Variants in ANAPC4 observed in about 807,000 individuals in gnomAD.
ANAPC4 encodes the protein anaphase promoting complex subunit 4.
In ANAPC4, 63 loss-of-function variants were observed where a neutral mutation model predicts 119.8. The ratio of observed to expected loss-of-function variants is 0.53; its 90% confidence interval spans 0.43 to 0.65. ANAPC4 has a LOEUF of 0.65. ANAPC4 is among the 30% of genes least tolerant of loss of function. ANAPC4 has a pLI of 0.00. For missense variants in ANAPC4, 716 were observed against 945.1 expected (o/e 0.76, Z 3.18); for synonymous variants, 283 against 318.6 (o/e 0.89, Z 1.19).
chr4:25,407,344 G>A (rs1268860750), intron 20 of ANAPC4, 91 bp downstream of exon 20: 7 of 931,004 alleles, frequency 7.5e-6, no homozygotes, highest in East Asian at 5.5e-5. Flanking sequence ...AAGTAATACA[G>A]GATCTCTGCC....
chr4:25,416,130 T>C, intron 26 of ANAPC4: 1 of 225,684 alleles, frequency 4.4e-6, no homozygotes, highest in South Asian at 1.6e-4. Context: ...TTCATAGAAT[T>C]TCCACAGGCT....
intron 21 of ANAPC4, among the ~76,000 whole-genome samples, chr4:25,412,379 T>C (rs1020442513): frequency 1.3e-5 from 2 of 152,112 alleles, no homozygotes; most frequent in African/African-American, 2.4e-5. Context: ...TCTCTCTTCC[T>C]TGGAGGCTGG....
At chr4:25,393,775 AC>A in intron 10 of ANAPC4, 29 bp from the exon 11 acceptor site, 2 of 1,438,120 alleles carry the variant, frequency 1.4e-6, no homozygotes, top group Non-Finnish European at 1.9e-6. Context: ...AATATTTTTT[AC>A]CATTTCAATT....
At chr4:25,377,599 C>T (rs771088242) in intron 2 of ANAPC4, 43 bp downstream of exon 2, 80 of 1,538,336 alleles carry the variant, frequency 5.2e-5, no homozygotes, top group Non-Finnish European at 6.9e-5. Flanking sequence ...GGTCTGCTCC[C>T]GGGGGGCCCA....
chr4:25,385,121 A>G (rs972029814), intron 4 of ANAPC4, among the ~76,000 whole-genome samples: 1 of 152,184 alleles, frequency 6.6e-6, no homozygotes, highest in African/African-American at 2.4e-5. Flanking sequence ...CAGAACAGTA[A>G]ATGAGTTTTG....
At chr4:25,380,271 A>G in intron 2 of ANAPC4, 103 bp from the exon 3 acceptor site, 2 of 696,698 alleles carry the variant, frequency 2.9e-6, no homozygotes, top group South Asian at 2.1e-5. Flanking sequence ...CTAAGTATAT[A>G]TGAGAGATGG....
intron 21 of ANAPC4, among the ~76,000 whole-genome samples, chr4:25,412,395 G>T (rs1325459385): frequency 6.6e-6 from 1 of 152,012 alleles, no homozygotes; most frequent in Non-Finnish European, 1.5e-5. Context: ...GCTGGCGGGT[G>T]GAGCTGAAGT....
Position 25,414,609 on chromosome 4 carries a change from A to G in ANAPC4, c.1735A>G (p.Lys579Glu). The G allele has an allele frequency of 6.4e-7, 1 of 1,554,322 alleles. No individual in the cohort carries two copies. Among genetic ancestry groups the G allele is most frequent in the Non-Finnish European group, 8.7e-7 (1 of 1,147,550 alleles). Residue 579 changes from lysine to glutamate, a missense_variant, in exon 25 of 29, where the codon AAA becomes GAA. By Grantham distance (56) the Lys-to-Glu change is moderately conservative. Transcript: ENST00000315368. Reference sequence around the variant, plus strand: ...AATTTTTTTTCTTAGGTGGAATAATAAAACTTCAAATCTACATTATCTTCT... The same window carrying G: ...AATTTTTTTTCTTAGGTGGAATAATGAAACTTCAAATCTACATTATCTTCT... ...LFKFPFLWNN[K>E]TSNLHYLLFT...
rs367659041 is a variant in ANAPC4, at chr4:25,417,714, A to G, written c.2174A>G (p.Asn725Ser). 9 of 1,612,188 alleles carry G rather than the reference A, an allele frequency of 5.6e-6. No homozygotes were observed. Among genetic ancestry groups the G allele is most frequent in the Non-Finnish European group, 6.8e-6 (8 of 1,179,316 alleles). Residue 725 changes from asparagine (N) to serine (S), a missense_variant, in exon 28 of 29, where the codon AAT becomes AGT. Transcript: ENST00000315368. ...ATGAAAGCACAGTATGTTGCTGGGA[A>G]TGGTTTTCGAAAAGTGTCCTGTGTG... ...ESMKAQYVAGNGFRKVSCVLS... is the reference protein window; with the variant it reads ...ESMKAQYVAGSGFRKVSCVLS...
intron 3 of ANAPC4, 65 bp from the exon 4 acceptor site, chr4:25,383,196 G>T (rs1234196284): frequency 2.1e-6 from 3 of 1,431,792 alleles, no homozygotes; most frequent in Non-Finnish European, 2.8e-6. Flanking sequence ...GGCAATAAGG[G>T]AAATACCCAT....
intron 27 of ANAPC4, 105 bp from the exon 28 acceptor site, chr4:25,417,511 A>G: frequency 5.4e-6 from 6 of 1,116,504 alleles, no homozygotes; most frequent in Non-Finnish European, 7.3e-6. Context: ...AAATAGAAGT[A>G]TGAGTAGAAG....
rs1723458111 is a variant in ANAPC4 at position 25,409,722 on chromosome 4, C to T, written c.1456C>T (p.Leu486Phe). 6.2e-7 allele frequency: 1 copy of T among 1,611,980 alleles called. No individual in the cohort carries two copies. Among genetic ancestry groups the T allele is most frequent in the Non-Finnish European group, 8.5e-7 (1 of 1,178,532 alleles). The change falls in exon 21 of 29, where the codon CTT becomes TTT. Residue 486 changes from leucine (L) to phenylalanine (F), a missense_variant. Leu to Phe is a conservative substitution (Grantham distance 22). Transcript: ENST00000315368. The stretch of plus-strand genomic sequence containing the variant: ...GTACTTGAAAGATGAAGATGATGAT[C>T]TTGTGTCACCCCCTAACACAGAAGG... ...GQYLKDEDDD[L>F]VSPPNTEGNQ...
chr4:25,383,522 A>G lies in ANAPC4; in HGVS notation c.368+129A>G, dbSNP rs13127230. The G allele has an allele frequency of 0.047, 40,624 of 858,944 alleles. 1,177 individuals are homozygous for G. The highest frequency in any genetic ancestry group is 0.14 in the South Asian group (3,145 of 23,174). The allele number at this position is 858,944 out of a possible 1,614,324, so 53.2% of individuals were successfully genotyped here. ...TAAATTTTGGTTTCAGTTTATCAAG[A>G]TGAAATTTTTTAATGCTTTCTTAGA... is the stretch of plus-strand genomic sequence containing the variant. On this transcript the variant is annotated intron_variant, in intron 4 of 28. Coordinates refer to ENST00000315368, the MANE Select transcript of ANAPC4 (RefSeq NM_013367.3).
chr4:25,407,940 C>A (rs1210298520), intron 20 of ANAPC4, among the ~76,000 whole-genome samples: 2 of 152,186 alleles, frequency 1.3e-5, no homozygotes, highest in South Asian at 4.1e-4. Flanking sequence ...ATTACTATTA[C>A]ATGTTAATAT....
intron 2 of ANAPC4, among the ~76,000 whole-genome samples, chr4:25,379,279 A>G (rs1051215810): frequency 6.6e-6 from 1 of 152,180 alleles, no homozygotes; most frequent in African/African-American, 2.4e-5. Flanking sequence ...GAAATCACCA[A>G]AAATGATGAT....
In ANAPC4 at chr4:25,414,593, T is replaced by C. The variant is rs1434522605; in HGVS notation, c.1725-6T>C. The C allele has an allele frequency of 1.3e-6, 2 of 1,553,534 alleles. No homozygotes were observed. Among genetic ancestry groups the C allele is most frequent in the Non-Finnish European group, 1.7e-6 (2 of 1,147,422 alleles). On this transcript the variant is annotated splice_region_variant and splice_polypyrimidine_tract_variant and intron_variant, in intron 24 of 28. Coordinates refer to ENST00000315368, the MANE Select transcript of ANAPC4 (RefSeq NM_013367.3). ...TAAAAAATATTATGACAATTTTTTT[T>C]CTTAGGTGGAATAATAAAACTTCAA...
At chr4:25,391,976 A>G (rs139516306) in intron 9 of ANAPC4, among the ~76,000 whole-genome samples, 3,849 of 152,382 alleles carry the variant, frequency 0.025, 75 homozygotes, top group Non-Finnish European at 0.036. Flanking sequence ...GATACAATTC[A>G]TATACCATTG....
chr4:25,403,488 T>A (rs951927696), intron 17 of ANAPC4, among the ~76,000 whole-genome samples: 7 of 152,254 alleles, frequency 4.6e-5, no homozygotes, highest in East Asian at 1.9e-4. Context: ...AATAACATTT[T>A]AAAAAATTTT....
chr4:25,414,444 T>G (rs1208179854), intron 23 of ANAPC4, 22 bp from the exon 24 acceptor site: 5 of 1,599,882 alleles, frequency 3.1e-6, no homozygotes, highest in Non-Finnish European at 4.3e-6. Flanking sequence ...TTTTTCTCAT[T>G]TCTTTTTCCC....
Sources: allele counts gnomAD v4.1 joint callset (sites outside exome capture counted in the v4.1 genomes callset), GRCh38; gene constraint gnomAD v4.1.1; transcripts MANE v1.5; gene names NCBI Gene and HGNC (gene_info 2026-07-23, HGNC 2026-07-21).